Variants in NALF1 observed in about 807,000 individuals in gnomAD.
NALF1 encodes NALCN channel auxiliary factor 1, also known as family with sequence similarity 155 member A.
In NALF1, 3 loss-of-function variants were observed where a neutral mutation model predicts 48.4. The observed-to-expected ratio is 0.06, with a 90% confidence interval of 0.03 to 0.16. The LOEUF (loss-of-function observed/expected upper bound fraction) is 0.16. Ranked by LOEUF, NALF1 falls within the 10% of genes least tolerant of loss-of-function variation. NALF1 has a pLI of 1.00. For synonymous variants in NALF1, 262 were observed against 245.7 expected, an observed-to-expected ratio of 1.07 and a Z score of -0.62; for missense variants, 526 against 571.5, an observed-to-expected ratio of 0.92 and a Z score of 0.81.
At chr13:107,612,982 G>C (rs1201682106) in intron 1 of NALF1, among the ~76,000 whole-genome samples, 15 of 149,628 alleles carry the variant, frequency 1.0e-4, no homozygotes, top group Non-Finnish European at 1.2e-4. Context: ...GGGTTTTTTT[G>C]GGTTTTTTTC....
chr13:107,688,694 G>A (rs1171477876), intron 1 of NALF1, among the ~76,000 whole-genome samples: 1 of 152,218 alleles, frequency 6.6e-6, no homozygotes, highest in African/African-American at 2.4e-5. Context: ...CAAAGACAGT[G>A]TATCTCTGTG....
At chr13:107,723,148 A>G (rs1405997798) in intron 1 of NALF1, among the ~76,000 whole-genome samples, 2 of 152,164 alleles carry the variant, frequency 1.3e-5, no homozygotes, top group East Asian at 3.9e-4. Context: ...GAAGATGATA[A>G]ACTGAGCATG....
chr13:107,841,743 G>A (rs1038887864), intron 1 of NALF1, among the ~76,000 whole-genome samples: 3 of 151,768 alleles, frequency 2.0e-5, no homozygotes, highest in Middle Eastern at 6.9e-3. Context: ...TTACACTGCC[G>A]TAGGGAAAGC....
intron 1 of NALF1, among the ~76,000 whole-genome samples, chr13:107,263,143 C>G (rs1268534095): frequency 1.3e-5 from 2 of 151,866 alleles, no homozygotes; most frequent in African/African-American, 2.4e-5. Context: ...CTGTTCCTGA[C>G]CAAGATCATT....
At chr13:107,664,484 T>C (rs964281887) in intron 1 of NALF1, among the ~76,000 whole-genome samples, 25 of 152,298 alleles carry the variant, frequency 1.6e-4, no homozygotes, top group African/African-American at 5.8e-4. Flanking sequence ...TTGTTTCCTA[T>C]TTAATGCAAA....
chr13:107,541,748 T>A (rs1877005362), intron 1 of NALF1, among the ~76,000 whole-genome samples: 1 of 152,122 alleles, frequency 6.6e-6, no homozygotes, highest in Non-Finnish European at 1.5e-5. Context: ...AAATATTGTT[T>A]CCTTAGGATA....
At chr13:107,665,326 T>A (rs1880830116) in intron 1 of NALF1, among the ~76,000 whole-genome samples, 1 of 152,184 alleles carries the variant, frequency 6.6e-6, no homozygotes, top group African/African-American at 2.4e-5. Flanking sequence ...GTGTTGAGAA[T>A]GTCTCTAAAG....
intron 1 of NALF1, among the ~76,000 whole-genome samples, chr13:107,317,219 A>G (rs893134560): frequency 7.2e-5 from 11 of 152,112 alleles, no homozygotes; most frequent in African/African-American, 2.7e-4. Flanking sequence ...AGGTTGTAAT[A>G]TAACTATTTT....
intron 1 of NALF1, among the ~76,000 whole-genome samples, chr13:107,324,056 C>T (rs1882304909): frequency 6.6e-6 from 1 of 152,154 alleles, no homozygotes; most frequent in South Asian, 2.1e-4. Context: ...TTACAGTGGG[C>T]TATGAATGTG....
intron 1 of NALF1, among the ~76,000 whole-genome samples, chr13:107,290,280 A>C (rs2138881948): frequency 6.6e-6 from 1 of 152,202 alleles, no homozygotes; most frequent in African/African-American, 2.4e-5. Flanking sequence ...GATTTTAGTA[A>C]CCTGTGTAAT....
chr13:107,382,770 A>C (rs980011579), intron 1 of NALF1, among the ~76,000 whole-genome samples: 3 of 152,238 alleles, frequency 2.0e-5, no homozygotes, highest in African/African-American at 4.8e-5. Flanking sequence ...ACCAATGGAC[A>C]CTATGAGTGG....
intron 1 of NALF1, among the ~76,000 whole-genome samples, chr13:107,714,061 C>T (rs1342570840): frequency 6.6e-6 from 1 of 152,178 alleles, no homozygotes. Flanking sequence ...CTGCCACAAG[C>T]TACTTCAACT....
At chr13:107,547,358 CT>C (rs1877162910) in intron 1 of NALF1, among the ~76,000 whole-genome samples, 1 of 152,038 alleles carries the variant, frequency 6.6e-6, no homozygotes, top group African/African-American at 2.4e-5. Context: ...ACATTATTTA[CT>C]AGAATAATGT....
At chr13:107,393,869 CAT>C (rs1883667703) in intron 1 of NALF1, among the ~76,000 whole-genome samples, 1 of 152,040 alleles carries the variant, frequency 6.6e-6, no homozygotes, top group Non-Finnish European at 1.5e-5. Flanking sequence ...GAAAAAATAA[CAT>C]AATATTTCTG....
At chr13:107,198,549 C>T (rs1462878440) in intron 2 of NALF1, among the ~76,000 whole-genome samples, 1 of 152,198 alleles carries the variant, frequency 6.6e-6, no homozygotes, top group Admixed American at 6.5e-5. Context: ...ATGCAGAATT[C>T]GCCTTCATAC....
chr13:107,208,055 C>T (rs1879680855), intron 2 of NALF1, among the ~76,000 whole-genome samples: 1 of 152,174 alleles, frequency 6.6e-6, no homozygotes, highest in African/African-American at 2.4e-5. Flanking sequence ...ACAGGTCACA[C>T]CTTAGAAAAG....
intron 1 of NALF1, among the ~76,000 whole-genome samples, chr13:107,215,597 G>A (rs774416306): frequency 1.3e-5 from 2 of 152,164 alleles, no homozygotes; most frequent in Non-Finnish European, 2.9e-5. Flanking sequence ...GGGGAGTGAT[G>A]TGAAGCCACG....
chr13:107,751,820 C>G (rs775703874), intron 1 of NALF1, among the ~76,000 whole-genome samples: 1 of 152,062 alleles, frequency 6.6e-6, no homozygotes, highest in Non-Finnish European at 1.5e-5. Context: ...TTACTATTGA[C>G]TACTAGCAAC....
At chr13:107,218,429 G>A (rs16969865) in intron 1 of NALF1, among the ~76,000 whole-genome samples, 4,954 of 152,204 alleles carry the variant, frequency 0.033, 277 homozygotes, top group African/African-American at 0.11. Flanking sequence ...TAGTAACATG[G>A]CCTTTGGGCT....
Sources: gnomAD v4.1 joint callset for allele counts (sites outside exome capture counted in the v4.1 genomes callset) on GRCh38, gnomAD v4.1.1 for gene constraint, MANE v1.5 for transcripts, NCBI Gene and HGNC (gene_info 2026-07-23, HGNC 2026-07-21) for gene names.